Variants in ACOXL observed in about 807,000 individuals in gnomAD.
ACOXL encodes the protein acyl-CoA oxidase like, also known as acyl-coenzyme A oxidase-like protein.
In ACOXL, 70 loss-of-function variants were observed where a neutral mutation model predicts 71.9. The observed-to-expected ratio is 0.97, with a 90% CI of 0.80 to 1.19. ACOXL has a LOEUF of 1.19. ACOXL is among the 50% of genes most tolerant of loss of function. ACOXL has a pLI of 0.00. For missense variants in ACOXL, 703 were observed against 736.3 expected, an observed-to-expected ratio of 0.95 and a Z score of 0.52; for synonymous variants, 253 against 281.6, an observed-to-expected ratio of 0.90 and a Z score of 1.02.
intron 13 of ACOXL, among the ~76,000 whole-genome samples, chr2:110,989,869 C>T (rs2063100880): frequency 1.3e-5 from 2 of 151,896 alleles, no homozygotes; most frequent in Non-Finnish European, 1.5e-5. Flanking sequence ...GGTGAAACCC[C>T]GTCTCTACTA....
At chr2:110,937,903 G>T (rs754885526) in intron 12 of ACOXL, among the ~76,000 whole-genome samples, 1 of 152,108 alleles carries the variant, frequency 6.6e-6, no homozygotes, top group Non-Finnish European at 1.5e-5. Context: ...AATTCTATGC[G>T]ACAAAGAGCA....
intron 8 of ACOXL, among the ~76,000 whole-genome samples, chr2:110,803,390 C>T (rs1686229488): frequency 6.6e-6 from 1 of 152,036 alleles, no homozygotes; most frequent in African/African-American, 2.4e-5. Context: ...ATTAATATTC[C>T]ACTGCAGAGC....
At chr2:111,011,425 AT>A (rs112767012) in intron 14 of ACOXL, among the ~76,000 whole-genome samples, 2 of 152,326 alleles carry the variant, frequency 1.3e-5, no homozygotes, top group African/African-American at 4.8e-5. Context: ...AATGGCCCCA[AT>A]ATTCTAATTA....
chr2:110,759,642 C>T (rs1247010948), intron 1 of ACOXL, among the ~76,000 whole-genome samples: 1 of 152,066 alleles, frequency 6.6e-6, no homozygotes, highest in African/African-American at 2.4e-5. Flanking sequence ...AATCTTTTCA[C>T]CCATTTTATT....
At chr2:110,827,299 C>T (rs749535556) in intron 9 of ACOXL, among the ~76,000 whole-genome samples, 16 of 152,010 alleles carry the variant, frequency 1.1e-4, no homozygotes, top group Non-Finnish European at 1.6e-4. Context: ...GGCATGGGCT[C>T]TCCCGGGTCA....
chr2:110,995,608 T>A (rs2063360063), intron 13 of ACOXL, among the ~76,000 whole-genome samples: 1 of 151,168 alleles, frequency 6.6e-6, no homozygotes, highest in African/African-American at 2.4e-5. Context: ...AGAAAGACTA[T>A]GTAAAATATT....
At chr2:110,844,751 T>C (rs1482232062) in intron 10 of ACOXL, among the ~76,000 whole-genome samples, 1 of 152,068 alleles carries the variant, frequency 6.6e-6, no homozygotes, top group Non-Finnish European at 1.5e-5. Flanking sequence ...TTCACCATGT[T>C]GGCCAGGCTG....
intron 1 of ACOXL, among the ~76,000 whole-genome samples, chr2:110,765,291 A>G (rs73956436): frequency 0.012 from 1,872 of 152,280 alleles, 43 homozygotes; most frequent in African/African-American, 0.043. Context: ...TTATTTGCTC[A>G]GCTTACTGAA....
chr2:110,948,228 G>A (rs916141401), intron 12 of ACOXL, among the ~76,000 whole-genome samples: 6 of 152,222 alleles, frequency 3.9e-5, no homozygotes, highest in South Asian at 4.1e-4. Context: ...CTCCTTTCAC[G>A]TTAGACGCAG....
At chr2:110,873,791 G>C (rs1195178231) in intron 10 of ACOXL, among the ~76,000 whole-genome samples, 1 of 152,250 alleles carries the variant, frequency 6.6e-6, no homozygotes, top group African/African-American at 2.4e-5. Context: ...TTCTACGTCT[G>C]TCCAGTAGGG....
intron 3 of ACOXL, among the ~76,000 whole-genome samples, chr2:110,789,192 A>G (rs1212328209): frequency 6.6e-6 from 1 of 152,192 alleles, no homozygotes; most frequent in African/African-American, 2.4e-5. Context: ...GCAAAGTGCC[A>G]GGGAAAAAGA....
chr2:110,943,188 AG>A (rs1361961219), intron 12 of ACOXL, among the ~76,000 whole-genome samples: 4 of 148,382 alleles, frequency 2.7e-5, no homozygotes, highest in Non-Finnish European at 4.5e-5. Flanking sequence ...GAAAGAAGGA[AG>A]GAAGGAAAGA....
intron 12 of ACOXL, among the ~76,000 whole-genome samples, chr2:110,936,096 T>C (rs2060653367): frequency 6.6e-6 from 1 of 152,084 alleles, no homozygotes; most frequent in African/African-American, 2.4e-5. Flanking sequence ...TAGGCCATGG[T>C]CTGGTACTGG....
At chr2:111,011,816 G>A (rs2064175411) in intron 14 of ACOXL, among the ~76,000 whole-genome samples, 1 of 150,258 alleles carries the variant, frequency 6.7e-6, no homozygotes, top group Non-Finnish European at 1.5e-5. Flanking sequence ...TCCAGTAGGT[G>A]GAGGTTGCAG....
intron 16 of ACOXL, among the ~76,000 whole-genome samples, chr2:111,067,700 G>T (rs887450988): frequency 2.0e-5 from 3 of 152,190 alleles, no homozygotes; most frequent in African/African-American, 4.8e-5. Context: ...AATATAAGTT[G>T]CTGGAAAAAA....
At chr2:110,971,312 A>G (rs1440887741) in intron 12 of ACOXL, among the ~76,000 whole-genome samples, 1 of 152,226 alleles carries the variant, frequency 6.6e-6, no homozygotes, top group Admixed American at 6.5e-5. Flanking sequence ...AATATTAATA[A>G]CACGAAAATT....
chr2:110,769,256 AAGAAAG>A (rs976791870), intron 2 of ACOXL, among the ~76,000 whole-genome samples: 11 of 152,170 alleles, frequency 7.2e-5, no homozygotes, highest in African/African-American at 1.4e-4. Context: ...GAAAGAAAGA[AAGAAAG>A]AAAAAAATAC....
chr2:110,999,443 A>G (rs2063528559), intron 14 of ACOXL, among the ~76,000 whole-genome samples: 1 of 152,172 alleles, frequency 6.6e-6, no homozygotes, highest in African/African-American at 2.4e-5. Flanking sequence ...TAATCTTATC[A>G]AAAGCATTAA....
At chr2:111,045,739 G>A (rs780636983) in intron 15 of ACOXL, among the ~76,000 whole-genome samples, 1 of 152,172 alleles carries the variant, frequency 6.6e-6, no homozygotes, top group African/African-American at 2.4e-5. Flanking sequence ...ACTGACATCT[G>A]GGGTGAGGGG....
Sources: allele counts gnomAD v4.1 joint callset (sites outside exome capture counted in the v4.1 genomes callset), GRCh38; gene constraint gnomAD v4.1.1; transcripts MANE v1.5; gene names NCBI Gene and HGNC (gene_info 2026-07-23, HGNC 2026-07-21).